The following SEC22A variants were observed in gnomAD, a reference collection of about 807,000 sequenced individuals.
SEC22A encodes vesicle-trafficking protein SEC22a.
A neutral mutation model predicts 35.3 loss-of-function variants in SEC22A; 22 were observed. That is an observed-to-expected ratio of 0.62 (90% CI 0.45 to 0.89). The LOEUF is 0.89. Ranked by LOEUF, SEC22A falls within the 40% of genes least tolerant of loss-of-function variation. SEC22A has a pLI of 0.00. For missense variants in SEC22A, 354 were observed against 362.5 expected, an observed-to-expected ratio of 0.98 and a Z score of 0.19; for synonymous variants, 119 against 129.5, an observed-to-expected ratio of 0.92 and a Z score of 0.55.
At chr3:123,214,332 A>T (rs1022108353) in intron 2 of SEC22A, among the ~76,000 whole-genome samples, 3 of 152,226 alleles carry the variant, frequency 2.0e-5, no homozygotes, top group African/African-American at 7.2e-5. Context: ...CCAATGAAGG[A>T]CATTCTGTGG....
intron 2 of SEC22A, among the ~76,000 whole-genome samples, chr3:123,210,384 A>G (rs1936922257): frequency 1.3e-5 from 2 of 152,210 alleles, no homozygotes; most frequent in South Asian, 4.1e-4. Flanking sequence ...AAAGAAGAAT[A>G]ATCACCTGTA....
rs1028335511 is a variant in SEC22A at position 123,274,071 on chromosome 3, A to G, written c.*2349A>G. 6.6e-6 allele frequency: 1 copy of G among 152,142 alleles called. No homozygotes were observed. Among genetic ancestry groups the G allele is most frequent in the South Asian group, 2.1e-4 (1 of 4,832 alleles). 9.4% of individuals were successfully genotyped at this position (152,142 alleles called of 1,614,324 possible). ...TTTATTTTTTCACTGGCTATTTTGG[A>G]TAAGAGGATGTTTACATCTTAATGT... On this transcript the variant is annotated 3_prime_UTR_variant, in exon 7 of 7. Transcript: ENST00000492595.
chr3:123,231,795 A>G (rs553055106), intron 4 of SEC22A, among the ~76,000 whole-genome samples: 3 of 152,198 alleles, frequency 2.0e-5, no homozygotes, highest in Non-Finnish European at 4.4e-5. Flanking sequence ...ACCTAAAGCA[A>G]ACAGAAGGAA....
chr3:123,270,158 G>A (rs1439863018), intron 6 of SEC22A, among the ~76,000 whole-genome samples: 1 of 152,150 alleles, frequency 6.6e-6, no homozygotes, highest in African/African-American at 2.4e-5. Context: ...ACGGGGAACA[G>A]GGTGAAGAGT....
At chr3:123,205,406 A>G (rs1936834408) in intron 1 of SEC22A, among the ~76,000 whole-genome samples, 1 of 152,166 alleles carries the variant, frequency 6.6e-6, no homozygotes, top group Admixed American at 6.6e-5. Context: ...GGAAAATTTG[A>G]GGCTGGGCGC....
intron 4 of SEC22A, among the ~76,000 whole-genome samples, chr3:123,233,570 T>C (rs1381019979): frequency 6.6e-6 from 1 of 151,384 alleles, no homozygotes; most frequent in African/African-American, 2.4e-5. Context: ...GAATAAGAAA[T>C]GAAAAACACA....
At chr3:123,235,576 C>G (rs1452462823) in intron 4 of SEC22A, among the ~76,000 whole-genome samples, 1 of 152,086 alleles carries the variant, frequency 6.6e-6, no homozygotes, top group Non-Finnish European at 1.5e-5. Flanking sequence ...CCATACTTTG[C>G]CAGTGGGGTT....
chr3:123,252,821 G>A (rs1345469105), intron 5 of SEC22A, among the ~76,000 whole-genome samples: 3 of 152,122 alleles, frequency 2.0e-5, no homozygotes, highest in Non-Finnish European at 2.9e-5. Flanking sequence ...GTTTTTCTTG[G>A]TATCTAAGTT....
In SEC22A at chr3:123,269,177, A is replaced by ATGTGTGTGTG. The variant is rs1223821694; in HGVS notation, c.724-2344_724-2343insGTGTGTGTGT. Reference sequence around the variant, plus strand: ...AGCCTTGGAAAACCTTGAATTAAATATATGTGTGTGTGTGTGTGTGTGTGT... The same window carrying ATGTGTGTGTG: ...AGCCTTGGAAAACCTTGAATTAAATATGTGTGTGTGTATGTGTGTGTGTGTGTGTGTGTGT... On this transcript the variant is annotated intron_variant, in intron 6 of 6. Transcript: ENST00000492595. 6.6e-3 allele frequency among the ~76,000 whole-genome samples: 742 copies of ATGTGTGTGTG among 112,048 alleles called. 10 individuals carry two copies. The highest frequency in any genetic ancestry group is 0.026 in the African/African-American group (699 of 26,452). The allele number at this position is 112,048 out of a possible 152,430, so 73.5% of individuals were successfully genotyped here. A position where few individuals can be genotyped will look rare whatever the true frequency, so the allele number is the denominator to read the frequency against.
intron 4 of SEC22A, among the ~76,000 whole-genome samples, chr3:123,226,607 A>G (rs921702593): frequency 1.3e-5 from 2 of 152,154 alleles, no homozygotes; most frequent in Non-Finnish European, 2.9e-5. Flanking sequence ...CCCTTGTCAG[A>G]TGAATATAGG....
At chr3:123,250,137 C>A (rs1702447216) in intron 5 of SEC22A, among the ~76,000 whole-genome samples, 2 of 152,062 alleles carry the variant, frequency 1.3e-5, no homozygotes, top group Admixed American at 6.5e-5. Flanking sequence ...AGGGGCTGGG[C>A]ACGGTGGCTC....
intron 5 of SEC22A, among the ~76,000 whole-genome samples, chr3:123,253,314 C>G (rs1559761848): frequency 6.6e-6 from 1 of 152,108 alleles, no homozygotes; most frequent in African/African-American, 2.4e-5. Flanking sequence ...TAAGATTTCT[C>G]GGATTCTAAA....
At chr3:123,227,223 GAAA>G (rs10575570) in intron 4 of SEC22A, among the ~76,000 whole-genome samples, 10 of 146,392 alleles carry the variant, frequency 6.8e-5, no homozygotes, top group Non-Finnish European at 1.5e-4. Flanking sequence ...AAGGCTTTAG[GAAA>G]AAAAAAAAAC....
chr3:123,209,058 G>T lies in SEC22A; in HGVS notation c.-19-141G>T, dbSNP rs142200487. On this transcript the variant is annotated intron_variant, in intron 1 of 6. Coordinates refer to ENST00000492595, the MANE Select transcript of SEC22A (RefSeq NM_012430.5). ...TCCACCCTCCTCAGCCACCCAAAGT[G>T]CTGGGATTACAGGTGTGAGCCACCA... 712 of 604,614 alleles carry T rather than the reference G, an allele frequency of 1.2e-3. 6 individuals carry two copies. In the East Asian group the frequency reaches 0.022, roughly 19 times the overall value. The allele number at this position is 604,614 out of a possible 1,614,324, so 37.5% of individuals were successfully genotyped here.
chr3:123,214,515 G>C (rs1387874832), intron 2 of SEC22A, among the ~76,000 whole-genome samples: 4 of 152,160 alleles, frequency 2.6e-5, no homozygotes, highest in Non-Finnish European at 5.9e-5. Flanking sequence ...ACATTCTATA[G>C]TGATATTCCA....
intron 4 of SEC22A, among the ~76,000 whole-genome samples, chr3:123,227,372 A>T (rs989941834): frequency 4.1e-4 from 62 of 152,152 alleles, no homozygotes; most frequent in African/African-American, 1.4e-3. Context: ...CTCTTAGACT[A>T]GTCTACTTCA....
intron 4 of SEC22A, among the ~76,000 whole-genome samples, chr3:123,228,766 G>A (rs552044343): frequency 1.3e-4 from 20 of 151,978 alleles, no homozygotes; most frequent in Non-Finnish European, 2.4e-4. Context: ...AGTAAAGGGG[G>A]AGGTATGATA....
At chr3:123,249,718 T>C (rs540528713) in intron 5 of SEC22A, among the ~76,000 whole-genome samples, 39 of 152,092 alleles carry the variant, frequency 2.6e-4, no homozygotes, top group African/African-American at 8.9e-4. Flanking sequence ...GAGATGGGGT[T>C]TCACCATGTT....
At chr3:123,256,270 T>C (rs1169648351) in intron 5 of SEC22A, among the ~76,000 whole-genome samples, 2 of 152,226 alleles carry the variant, frequency 1.3e-5, no homozygotes, top group African/African-American at 4.8e-5. Flanking sequence ...TCAAACTCTT[T>C]CCTGAAGCAG....
Sources: gnomAD v4.1 joint callset for allele counts (sites outside exome capture counted in the v4.1 genomes callset) on GRCh38, gnomAD v4.1.1 for gene constraint, MANE v1.5 for transcripts, NCBI Gene and HGNC (gene_info 2026-07-23, HGNC 2026-07-21) for gene names.